The following SCAMP3 variants were observed in gnomAD, a reference collection of about 807,000 sequenced individuals.
SCAMP3 encodes the protein secretory carrier membrane protein 3, also known as secretory carrier-associated membrane protein 3.
In SCAMP3, 30 loss-of-function variants were observed where a neutral mutation model predicts 44.1. The observed-to-expected ratio is 0.68, with a 90% CI of 0.51 to 0.92. The LOEUF (loss-of-function observed/expected upper bound fraction) is 0.92, where lower values mean the gene tolerates loss of function less well. Among genes scored for constraint, SCAMP3 ranks in the 40% least tolerant of loss-of-function variants. The pLI, the probability that SCAMP3 is intolerant of heterozygous loss-of-function variation, is 0.00. For missense variants in SCAMP3, 394 were observed against 440.0 expected (o/e 0.90, Z 0.93); for synonymous variants, 168 against 171.1 (o/e 0.98, Z 0.14).
chr1:155,256,806 A>C lies in SCAMP3; in HGVS notation c.780-15T>G. On this transcript the variant is annotated splice_polypyrimidine_tract_variant and intron_variant, in intron 7 of 8. Transcript: ENST00000302631. ...AGATCCAGCCACTGTAAAGGGAAGG[A>C]TGTACCAGTGAAGAGGGGCTCCTCA... The C allele has an allele frequency of 1.2e-6, 2 of 1,603,656 alleles. No homozygotes were observed. Among genetic ancestry groups the C allele is most frequent in the Non-Finnish European group, 1.7e-6 (2 of 1,170,634 alleles).
intron 8 of SCAMP3, 26 bp downstream of exon 8, chr1:155,256,648 G>C (rs759078211): frequency 6.9e-6 from 11 of 1,594,390 alleles, no homozygotes; most frequent in Middle Eastern, 1.7e-4. Flanking sequence ...TCACCATCCC[G>C]GCCCCACCTT....
Position 155,262,140 on chromosome 1 carries a change from G to C in SCAMP3, c.12C>G (p.Ser4Arg). 1 of 1,613,756 alleles carries C rather than the reference G, an allele frequency of 6.2e-7. No individual in the cohort carries two copies. Among genetic ancestry groups the C allele is most frequent in the African/African-American group, 1.3e-5 (1 of 75,068 alleles). The change falls in exon 1 of 9, where the codon AGC becomes AGG. Residue 4 changes from serine (S) to arginine (R), a missense_variant. Transcript: ENST00000302631. ...CGGCGAACGGGTTTCCGCCGTCTCT[G>C]CTCTGAGCCATGTTTGCAACTGCGG... MAQ[S>R]RDGGNPFAEP...
rs139132657 is a variant in SCAMP3, at chr1:155,261,690, C to G, written c.111G>C (p.Thr37=). ...TCTCAAAAGGGTTGTAGACGTCAAGCGTGGCATACTGCCGGCTGGGTCGGT... is the reference window on the plus strand; with the variant it reads ...TCTCAAAAGGGTTGTAGACGTCAAGGGTGGCATACTGCCGGCTGGGTCGGT... The part of the protein sequence containing the change: ...IQHRPSRQYA[T]LDVYNPFETR... The change falls in exon 2 of 9, where the codon ACG becomes ACC. Residue 37 remains threonine, a synonymous_variant. Coordinates refer to ENST00000302631, the MANE Select transcript of SCAMP3 (RefSeq NM_005698.4). 1.9e-6 allele frequency: 3 copies of G among 1,614,094 alleles called. No homozygotes were observed.
intron 4 of SCAMP3, 27 bp from the exon 5 acceptor site, chr1:155,258,981 C>T: frequency 6.3e-7 from 1 of 1,598,388 alleles, no homozygotes; most frequent in Non-Finnish European, 8.5e-7. Flanking sequence ...AACAGGTGGA[C>T]CCCAGAAGTA....
rs377328833 is a variant in SCAMP3 at position 155,256,624 on chromosome 1, G to A, written c.897+50C>T. 57 of 1,530,026 alleles carry A rather than the reference G, an allele frequency of 3.7e-5. No individual in the cohort carries two copies. The African/African-American group carries it at 6.8e-4, about 18-fold the overall frequency. 94.8% of individuals were successfully genotyped at this position (1,530,026 alleles called of 1,614,324 possible). A position where few individuals can be genotyped will look rare whatever the true frequency, so the allele number is the denominator to read the frequency against. On this transcript the variant is annotated intron_variant, in intron 8 of 8. Coordinates refer to ENST00000302631, the MANE Select transcript of SCAMP3 (RefSeq NM_005698.4). ...TCCTGAATGTTCCACCCACGCCCCT[G>A]GGGACCCATGATCTCACCATCCCGG...
rs1389610070 is a variant in SCAMP3, at chr1:155,256,773, C to G, written c.798G>C (p.Leu266=). ...GWGFSGWISA[L]VVPKGNTAVS... ...CTGCTGTGTTGCCCTTCGGCACCAC[C>G]AGAGCAGAGATCCAGCCACTGTAAA... is the stretch of plus-strand genomic sequence containing the variant. The change falls in exon 8 of 9, where the codon CTG becomes CTC. Residue 266 remains leucine (L), a synonymous_variant. Coordinates refer to ENST00000302631, the MANE Select transcript of SCAMP3 (RefSeq NM_005698.4). 3 of 1,613,962 alleles carry G rather than the reference C, an allele frequency of 1.9e-6. No homozygotes were observed. The Admixed American group carries it at 5.0e-5, about 27-fold the overall frequency.
At chr1:155,261,868 C>G in intron 1 of SCAMP3, 134 bp from the exon 2 acceptor site, 1 of 883,684 alleles carries the variant, frequency 1.1e-6, no homozygotes, top group African/African-American at 1.7e-5. Flanking sequence ...ACTGGGACAA[C>G]ATTTACCTCA....
intron 8 of SCAMP3, 60 bp downstream of exon 8, chr1:155,256,614 C>T: frequency 6.7e-7 from 1 of 1,493,062 alleles, no homozygotes; most frequent in Non-Finnish European, 9.3e-7. Context: ...AATGTTCCAC[C>T]CACGCCCCTG....
chr1:155,257,738 T>C (rs1372780233), intron 5 of SCAMP3, 81 bp from the exon 6 acceptor site: 1 of 1,333,034 alleles, frequency 7.5e-7, no homozygotes, highest in South Asian at 1.3e-5. Flanking sequence ...TCCTATAATA[T>C]TCACCAAACA....
rs910102343 is a variant in SCAMP3 at position 155,260,374 on chromosome 1, C to T, written c.344G>A (p.Arg115Gln). 24 of 1,613,584 alleles carry T rather than the reference C, an allele frequency of 1.5e-5. No individual in the cohort carries two copies. Among genetic ancestry groups the T allele is most frequent in the East Asian group, 8.9e-5 (4 of 44,896 alleles). ...AGCATGCTGCAGCTCTCGCTCCCTT[C>T]GGTCCAACTCCTCTGCCTTCCGGTT... is the stretch of plus-strand genomic sequence containing the variant. ...ELNRKAEELD[R>Q]RERELQHAAL... Residue 115 changes from arginine (R) to glutamine (Q), a missense_variant, in exon 4 of 9, where the codon CGA becomes CAA. Transcript: ENST00000302631.
rs765774630 is a variant in SCAMP3 at position 155,260,399 on chromosome 1, T to G, written c.319A>C (p.Asn107His). The G allele has an allele frequency of 1.2e-6, 2 of 1,613,930 alleles. No homozygotes were observed. Among genetic ancestry groups the G allele is most frequent in the Admixed American group, 3.3e-5 (2 of 60,000 alleles). ...CGGTCCAACTCCTCTGCCTTCCGGT[T>G]GAGCTCCTCCTGTTTCTTCAGCAGC... is the stretch of plus-strand genomic sequence containing the variant. ...AELLKKQEEL[N>H]RKAEELDRRE... Residue 107 changes from asparagine to histidine, a missense_variant, in exon 4 of 9, where the codon AAC becomes CAC. By Grantham distance (68) the Asn-to-His change is moderately conservative. Coordinates refer to ENST00000302631, the MANE Select transcript of SCAMP3 (RefSeq NM_005698.4).
chr1:155,256,577 C>A, intron 8 of SCAMP3, 97 bp downstream of exon 8: 1 of 1,369,512 alleles, frequency 7.3e-7, no homozygotes, highest in Non-Finnish European at 1.0e-6. Flanking sequence ...AACAACCCAG[C>A]AGCCTGACCT....
chr1:155,257,565 G>A lies in SCAMP3; in HGVS notation c.610C>T (p.Leu204Phe). 6.2e-7 allele frequency: 1 copy of A among 1,608,368 alleles called. No homozygotes were observed. Among genetic ancestry groups the A allele is most frequent in the East Asian group, 2.2e-5 (1 of 44,818 alleles). Residue 204 changes from leucine (L) to phenylalanine (F), a missense_variant, in exon 6 of 9, where the codon CTC (leucine) becomes TTC (phenylalanine). Physicochemically the swap from Leu to Phe is conservative, Grantham distance 22. Coordinates refer to ENST00000302631, the MANE Select transcript of SCAMP3 (RefSeq NM_005698.4). ...NNGAGFGLSI[L>F]WVLLFTPCSF... ...CAGGGAGTGAAAAGGAGGACCCAGA[G>A]GATAGAAAGCCCAAAGCCTGCGCCA...
At chr1:155,258,774 G>A in intron 5 of SCAMP3, 52 bp downstream of exon 5, 1 of 1,534,654 alleles carries the variant, frequency 6.5e-7, no homozygotes, top group South Asian at 1.2e-5. Context: ...GGACCCCAGG[G>A]CAGTTAAGAG....
Position 155,256,777 on chromosome 1 carries a change from G to A in SCAMP3, c.794C>T (p.Ala265Val). 6.2e-7 allele frequency: 1 copy of A among 1,614,062 alleles called. No homozygotes were observed. The highest frequency in any genetic ancestry group is 8.5e-7 in the Non-Finnish European group (1 of 1,179,908). The part of the protein sequence containing the change: ...PGWGFSGWIS[A>V]LVVPKGNTAV... ...TGTGTTGCCCTTCGGCACCACCAGA[G>A]CAGAGATCCAGCCACTGTAAAGGGA... The change falls in exon 8 of 9, where the codon GCT becomes GTT. Residue 265 changes from alanine to valine, a missense_variant. By Grantham distance (64) the Ala-to-Val change is moderately conservative. Coordinates refer to ENST00000302631, the MANE Select transcript of SCAMP3 (RefSeq NM_005698.4).
Position 155,256,666 on chromosome 1 carries a change from G to A in SCAMP3, c.897+8C>T, listed in dbSNP as rs143671942. 2.1e-3 allele frequency: 3,345 copies of A among 1,610,920 alleles called. 7 individuals carry two copies. The highest frequency in any genetic ancestry group is 2.2e-3 in the Non-Finnish European group (2,542 of 1,177,032). ...CCATCCCGGCCCCACCTTCGACACAGCCCTCACCCGTTTCAGCATGACAAT... is the reference window on the plus strand; with the variant it reads ...CCATCCCGGCCCCACCTTCGACACAACCCTCACCCGTTTCAGCATGACAAT... On this transcript the variant is annotated splice_region_variant and intron_variant, in intron 8 of 8. Transcript: ENST00000302631.
At chr1:155,257,092 A>G (rs1672821099) in intron 7 of SCAMP3, among the ~76,000 whole-genome samples, 193 bp downstream of exon 7, 2 of 152,202 alleles carry the variant, frequency 1.3e-5, no homozygotes, top group South Asian at 4.1e-4. Context: ...CAAATGCAGC[A>G]TTCTTCCCTT....
Position 155,256,115 on chromosome 1 carries a change from C to T in SCAMP3, c.*158G>A. The T allele has an allele frequency of 1.5e-6, 1 of 660,898 alleles. No homozygotes were observed. The allele number at this position is 660,898 out of a possible 1,614,324, so 40.9% of individuals were successfully genotyped here. On this transcript the variant is annotated 3_prime_UTR_variant, in exon 9 of 9. Coordinates refer to ENST00000302631, the MANE Select transcript of SCAMP3 (RefSeq NM_005698.4). ...TGGGGGGACTAGGTCACAGTGAACTCCCCACACGCCTGTCAGGTTCAGCAG... is the reference window on the plus strand; with the variant it reads ...TGGGGGGACTAGGTCACAGTGAACTTCCCACACGCCTGTCAGGTTCAGCAG...
chr1:155,260,348 C>T lies in SCAMP3; in HGVS notation c.370G>A (p.Ala124Thr). The T allele has an allele frequency of 1.9e-6, 3 of 1,612,706 alleles. No homozygotes were observed. Among genetic ancestry groups the T allele is most frequent in the Non-Finnish European group, 1.7e-6 (2 of 1,180,016 alleles). ...TACTTACTAGCTGTGCCCCCCAGGG[C>T]AGCATGCTGCAGCTCTCGCTCCCTT... ...DRRERELQHA[A>T]LGGTATRQNN... is the part of the protein sequence containing the mutation. Residue 124 changes from alanine to threonine, a missense_variant, in exon 4 of 9, where the codon GCC (alanine) becomes ACC (threonine). By Grantham distance (58) the Ala-to-Thr change is moderately conservative (BLOSUM62 0). Coordinates refer to ENST00000302631, the MANE Select transcript of SCAMP3 (RefSeq NM_005698.4).
Sources: allele counts gnomAD v4.1 joint callset (sites outside exome capture counted in the v4.1 genomes callset), GRCh38; gene constraint gnomAD v4.1.1; transcripts MANE v1.5; gene names NCBI Gene and HGNC (gene_info 2026-07-23, HGNC 2026-07-21).